The following DGKB variants were observed in gnomAD, a reference collection of about 807,000 sequenced individuals.
DGKB encodes the protein 90 kDa diacylglycerol kinase.
In DGKB, 67 loss-of-function variants were observed where a neutral mutation model predicts 114.3. The ratio of observed to expected loss-of-function variants is 0.59; its 90% CI spans 0.48 to 0.72. The LOEUF (loss-of-function observed/expected upper bound fraction) is 0.72. Among genes scored for constraint, DGKB ranks in the 30% least tolerant of loss-of-function variants. The probability of loss-of-function intolerance (pLI) is 0.00; values close to 1 mark genes in which losing one functional copy is unlikely to be tolerated. For synonymous variants in DGKB, 398 were observed against 323.1 expected, an observed-to-expected ratio of 1.23 and a Z score of -2.49; for missense variants, 907 against 975.2, an observed-to-expected ratio of 0.93 and a Z score of 0.93.
At chr7:14,438,195 C>A (rs966570847) in intron 21 of DGKB, among the ~76,000 whole-genome samples, 2 of 152,004 alleles carry the variant, frequency 1.3e-5, no homozygotes, top group Non-Finnish European at 2.9e-5. Flanking sequence ...GTTAGTGTAA[C>A]ACTAGAATAG....
chr7:14,890,482 G>C (rs1182912822), intron 1 of DGKB, among the ~76,000 whole-genome samples: 2 of 151,360 alleles, frequency 1.3e-5, no homozygotes, highest in Admixed American at 6.6e-5. Flanking sequence ...TGTGGGGATA[G>C]GGCTGTAAGA....
At chr7:14,889,866 G>A (rs1780912059) in intron 1 of DGKB, among the ~76,000 whole-genome samples, 2 of 151,448 alleles carry the variant, frequency 1.3e-5, no homozygotes, top group South Asian at 4.1e-4. Flanking sequence ...ACCTGTCAAG[G>A]AAGTATTTCT....
chr7:14,259,439 T>C (rs1027376796), intron 23 of DGKB, among the ~76,000 whole-genome samples: 2 of 151,460 alleles, frequency 1.3e-5, no homozygotes, highest in African/African-American at 4.9e-5. Context: ...GGTTTTGTTT[T>C]GTTATAAGAC....
chr7:14,290,911 G>T (rs1389729565), intron 23 of DGKB, among the ~76,000 whole-genome samples: 5 of 152,054 alleles, frequency 3.3e-5, no homozygotes, highest in Admixed American at 2.0e-4. Flanking sequence ...GGAGGTTGAG[G>T]TGGGTGTATC....
intron 12 of DGKB, among the ~76,000 whole-genome samples, chr7:14,677,276 A>C (rs781135868): frequency 9.9e-5 from 15 of 151,980 alleles, no homozygotes; most frequent in Admixed American, 2.6e-4. Context: ...ATGGAAAATA[A>C]GTGTTCATAG....
intron 12 of DGKB, among the ~76,000 whole-genome samples, chr7:14,679,461 TG>T (rs1401751416): frequency 6.6e-6 from 1 of 152,016 alleles, no homozygotes; most frequent in Non-Finnish European, 1.5e-5. Context: ...AGAATCTGGT[TG>T]GTCTGAGTTG....
At chr7:14,656,753 T>TACACACACACACACACAC (rs56208974) in intron 13 of DGKB, among the ~76,000 whole-genome samples, 3 of 149,230 alleles carry the variant, frequency 2.0e-5, no homozygotes, top group African/African-American at 7.4e-5. Flanking sequence ...ATAGGATATA[T>TACACACACACACACACAC]ACACACACAC....
intron 16 of DGKB, among the ~76,000 whole-genome samples, chr7:14,612,916 T>C (rs1805828936): frequency 6.6e-6 from 1 of 152,164 alleles, no homozygotes; most frequent in African/African-American, 2.4e-5. Context: ...TGGCATCATG[T>C]TCTCCAAAAT....
intron 23 of DGKB, among the ~76,000 whole-genome samples, chr7:14,327,454 C>T (rs1200661742): frequency 6.6e-6 from 1 of 151,908 alleles, no homozygotes; most frequent in African/African-American, 2.4e-5. Context: ...AAAATAATAT[C>T]TAACTGCACA....
At chr7:14,440,167 T>G (rs1271306224) in intron 21 of DGKB, among the ~76,000 whole-genome samples, 2 of 152,120 alleles carry the variant, frequency 1.3e-5, no homozygotes, top group African/African-American at 4.8e-5. Flanking sequence ...ATTGGTCAGC[T>G]GCTTGATTGA....
intron 5 of DGKB, among the ~76,000 whole-genome samples, chr7:14,719,348 T>A (rs1828767008): frequency 6.6e-6 from 1 of 152,196 alleles, no homozygotes; most frequent in African/African-American, 2.4e-5. Flanking sequence ...TCTGTGTCTG[T>A]TCTATCACAA....
At chr7:14,443,919 G>T (rs970116407) in intron 21 of DGKB, among the ~76,000 whole-genome samples, 2 of 151,402 alleles carry the variant, frequency 1.3e-5, no homozygotes, top group African/African-American at 2.4e-5. Context: ...GATTCTAATC[G>T]CATGCTTCTC....
chr7:14,894,857 T>C (rs1317665756), intron 1 of DGKB, among the ~76,000 whole-genome samples: 2 of 151,600 alleles, frequency 1.3e-5, no homozygotes, highest in Non-Finnish European at 3.0e-5. Flanking sequence ...CTCCCATAAA[T>C]GGCTTTTATG....
intron 23 of DGKB, among the ~76,000 whole-genome samples, chr7:14,214,637 C>CT (rs1279771100): frequency 2.0e-5 from 3 of 152,030 alleles, no homozygotes; most frequent in Admixed American, 2.0e-4. Flanking sequence ...TAAAAAACTG[C>CT]TTTTTTGGCC....
chr7:14,785,286 T>C (rs1025773490), intron 2 of DGKB, among the ~76,000 whole-genome samples: 2 of 152,196 alleles, frequency 1.3e-5, no homozygotes, highest in Non-Finnish European at 2.9e-5. Flanking sequence ...ATAAGTATTT[T>C]GTAAAAAGTA....
chr7:14,164,158 C>T (rs114173012), intron 25 of DGKB, among the ~76,000 whole-genome samples: 327 of 152,198 alleles, frequency 2.1e-3, no homozygotes, highest in African/African-American at 7.2e-3. Context: ...TAATTATCTA[C>T]ACCTACCTGT....
chr7:14,724,968 G>A (rs1360816515), intron 5 of DGKB, among the ~76,000 whole-genome samples: 5 of 152,086 alleles, frequency 3.3e-5, no homozygotes, highest in Admixed American at 1.3e-4. Flanking sequence ...CCAGGAGTTT[G>A]AGCCCAACCT....
chr7:14,637,971 T>C (rs1811060393), intron 13 of DGKB, among the ~76,000 whole-genome samples: 2 of 152,066 alleles, frequency 1.3e-5, no homozygotes, highest in South Asian at 2.1e-4. Context: ...TAAACATCAA[T>C]TTTCATTTTC....
intron 17 of DGKB, among the ~76,000 whole-genome samples, chr7:14,594,026 T>C (rs1156440367): frequency 1.3e-5 from 2 of 152,076 alleles, no homozygotes; most frequent in East Asian, 1.9e-4. Context: ...GCTCAGTTCA[T>C]TGGAACACTC....
Sources: allele counts gnomAD v4.1 joint callset (sites outside exome capture counted in the v4.1 genomes callset), GRCh38; gene constraint gnomAD v4.1.1; transcripts MANE v1.5; gene names NCBI Gene and HGNC (gene_info 2026-07-23, HGNC 2026-07-21).